LDLRAD4: variants seen among roughly 807,000 people sequenced by gnomAD.
LDLRAD4 encodes the protein low-density lipoprotein receptor class A domain-containing protein 4.
LDLRAD4 carries 5 observed loss-of-function variants against 17.0 expected under a neutral mutation model. The observed-to-expected ratio is 0.29, with a 90% CI of 0.15 to 0.62. The LOEUF is 0.62. LDLRAD4 is among the 20% of genes least tolerant of loss of function. The pLI is 0.84. For missense variants in LDLRAD4, 340 were observed against 424.7 expected (o/e 0.80, Z 1.75); for synonymous variants, 168 against 171.8 (o/e 0.98, Z 0.17).
Position 13,252,273 on chromosome 18 carries a change from C to T in LDLRAD4, c.-466-25832C>T, listed in dbSNP as rs1226008210. Among the ~76,000 whole-genome samples the T allele has an allele frequency of 5.3e-5, 8 of 152,138 alleles. 1 individual carries two copies. Among genetic ancestry groups the T allele is most frequent in the East Asian group, 1.9e-4 (1 of 5,188 alleles). The stretch of plus-strand genomic sequence containing the variant: ...TGGATGGAGTAGCTGGGATTACAGG[C>T]GCCCATCACCACACCCAGCTAATTT... On this transcript the variant is annotated intron_variant, in intron 1 of 5. Coordinates refer to the LDLRAD4 transcript ENST00000399848.
intron 3 of LDLRAD4, among the ~76,000 whole-genome samples, chr18:13,552,293 T>C (rs904904569): frequency 3.9e-5 from 6 of 152,214 alleles, no homozygotes; most frequent in African/African-American, 1.4e-4. Context: ...TCCTACTTGC[T>C]GGGGCAGTGC....
At chr18:13,476,614 A>C in intron 3 of LDLRAD4, among the ~76,000 whole-genome samples, 1 of 89,716 alleles carries the variant, frequency 1.1e-5, no homozygotes. Flanking sequence ...ACAGAGCAAG[A>C]ACCTGTCTCA....
intron 3 of LDLRAD4, among the ~76,000 whole-genome samples, chr18:13,466,472 CAAA>C (rs5823251): frequency 7.4e-5 from 8 of 108,410 alleles, no homozygotes; most frequent in African/African-American, 1.1e-4. Context: ...CTTGTTTCAC[CAAA>C]AAAAAAAAAA....
chr18:13,377,124 G>A (rs2084971990), intron 1 of LDLRAD4, among the ~76,000 whole-genome samples: 1 of 152,220 alleles, frequency 6.6e-6, no homozygotes, highest in East Asian at 1.9e-4. Context: ...GGCCCCGCAG[G>A]TGGCATTTGA....
At chr18:13,451,727 C>T (rs918619943) in intron 3 of LDLRAD4, among the ~76,000 whole-genome samples, 1 of 152,086 alleles carries the variant, frequency 6.6e-6, no homozygotes, top group African/African-American at 2.4e-5. Flanking sequence ...GCTCACAGAC[C>T]GTGCCTTCTG....
intron 3 of LDLRAD4, chr18:13,521,801 T>G (rs1293850730): frequency 1.3e-5 from 2 of 150,920 alleles, no homozygotes; most frequent in Non-Finnish European, 2.9e-5. Flanking sequence ...TATGGAAAAA[T>G]AAGGAAATTA....
At chr18:13,261,538 C>G (rs990049120) in intron 1 of LDLRAD4, among the ~76,000 whole-genome samples, 3 of 152,180 alleles carry the variant, frequency 2.0e-5, no homozygotes, top group Non-Finnish European at 4.4e-5. Flanking sequence ...CAGCCTCAGG[C>G]CTTCAGAACC....
At chr18:13,273,677 G>A (rs2044691874), upstream of LDLRAD4, among the ~76,000 whole-genome samples, 1 of 152,142 alleles carries the variant, frequency 6.6e-6, no homozygotes, top group Admixed American at 6.5e-5. Context: ...GAAGCCTGCG[G>A]CCAGGCTTCT....
At position 13,292,373 on chromosome 18, in the gene LDLRAD4, A is replaced by G. The variant is rs115704799; in HGVS notation, c.-383+14185A>G. Among the ~76,000 whole-genome samples the G allele has an allele frequency of 4.2e-3, 636 of 152,232 alleles. 3 individuals carry two copies. Among genetic ancestry groups the G allele is most frequent in the African/African-American group, 0.015 (618 of 41,536 alleles). ...CTGTCACTTTCTCCCACTAATTCAG[A>G]TGGTTATGTGGCTTGAGATGATGGC... On this transcript the variant is annotated intron_variant, in intron 1 of 5. Coordinates refer to ENST00000359446, the Ensembl canonical transcript of LDLRAD4.
chr18:13,594,558 T>C lies in LDLRAD4; in HGVS notation c.182-26559T>C, dbSNP rs1463505877. 2.7e-5 allele frequency among the ~76,000 whole-genome samples: 4 copies of C among 150,572 alleles called. No individual in the cohort carries two copies. In the South Asian group the frequency reaches 6.3e-4, roughly 24 times the overall value. ...GTGCATGCCTGTAGTCCCAGTTACT[T>C]GGGTGGCTGAGGCACAAGAGTCGCT... On this transcript the variant is annotated intron_variant, in intron 3 of 5. Transcript: ENST00000359446.
At chr18:13,520,410 T>C (rs1200993001) in intron 3 of LDLRAD4, 1 of 152,202 alleles carries the variant, frequency 6.6e-6, no homozygotes, top group Admixed American at 6.5e-5. Context: ...TTTGCTGAGA[T>C]ATTAATAGAT....
At position 13,257,653 on chromosome 18, in the gene LDLRAD4, C is replaced by T. The variant is rs577227163; in HGVS notation, c.-466-20452C>T. On this transcript the variant is annotated intron_variant, in intron 1 of 5. Transcript: ENST00000399848. ...CTGGATGCTTTATAGCAGTGGCTCT[C>T]ACCTGGGGGTGACTTTGTTCCCCAG... is the stretch of plus-strand genomic sequence containing the variant. 5.3e-5 allele frequency among the ~76,000 whole-genome samples: 8 copies of T among 152,314 alleles called. No homozygotes were observed. The East Asian group carries it at 1.5e-3, about 29-fold the overall frequency.
At chr18:13,610,319 A>C (rs2039424231) in intron 3 of LDLRAD4, among the ~76,000 whole-genome samples, 5 of 85,186 alleles carry the variant, frequency 5.9e-5, no homozygotes, top group Admixed American at 1.8e-4. Flanking sequence ...ACGGAGTCTC[A>C]CTCTGTCGCC....
chr18:13,293,125 C>T (rs533492820), intron 1 of LDLRAD4, among the ~76,000 whole-genome samples: 93 of 152,350 alleles, frequency 6.1e-4, no homozygotes, highest in Non-Finnish European at 1.2e-3. Context: ...GGCTACATTA[C>T]AGTTTTTGAC....
At chr18:13,638,372 C>T (rs998765825) in intron 4 of LDLRAD4, among the ~76,000 whole-genome samples, 1 of 150,894 alleles carries the variant, frequency 6.6e-6, no homozygotes, top group Non-Finnish European at 1.5e-5. Context: ...CTTACCCTTA[C>T]AGATGTATAC....
chr18:13,334,664 C>G (rs138112048), intron 1 of LDLRAD4, among the ~76,000 whole-genome samples: 1 of 152,186 alleles, frequency 6.6e-6, no homozygotes, highest in African/African-American at 2.4e-5. Flanking sequence ...TTCTTCTTTC[C>G]CAATCAGTGT....
rs574307115 is a variant in LDLRAD4 at position 13,501,706 on chromosome 18, C to T, written c.181+63322C>T. Among the ~76,000 whole-genome samples, 13 of 151,996 alleles carry T rather than the reference C, an allele frequency of 8.6e-5. No homozygotes were observed. In the East Asian group the frequency reaches 2.1e-3, roughly 25 times the overall value. On this transcript the variant is annotated intron_variant, in intron 3 of 5. Coordinates refer to ENST00000359446, the Ensembl canonical transcript of LDLRAD4. ...GGAGTGAGAGGAGAAACATGACGTG[C>T]CTGTGTGTGCACAGGACGCCTGACA...
intron 2 of LDLRAD4, among the ~76,000 whole-genome samples, chr18:13,418,464 G>A (rs1018049815): frequency 2.6e-5 from 4 of 152,234 alleles, no homozygotes; most frequent in African/African-American, 9.6e-5. Flanking sequence ...TGCATCTCCT[G>A]TTGCTGCCCT....
intron 3 of LDLRAD4, among the ~76,000 whole-genome samples, chr18:13,441,523 G>A (rs975493283): frequency 2.0e-5 from 3 of 152,206 alleles, no homozygotes; most frequent in African/African-American, 7.2e-5. Flanking sequence ...TCAGTGTTCC[G>A]GATCTGAGGG....
Sources: gnomAD v4.1 joint callset for allele counts (sites outside exome capture counted in the v4.1 genomes callset) on GRCh38, gnomAD v4.1.1 for gene constraint, MANE v1.5 for transcripts, NCBI Gene and HGNC (gene_info 2026-07-23, HGNC 2026-07-21) for gene names.